The following MT1M variants were observed in gnomAD, a reference collection of about 807,000 sequenced individuals.
The protein encoded by MT1M is metallothionein 1M, also known as metallothionein-1M.
A neutral mutation model predicts 8.5 loss-of-function variants in MT1M; 11 were observed. The observed-to-expected ratio is 1.29, with a 90% confidence interval of 0.81 to 2.14. The LOEUF is 2.14. MT1M is among the 30% of genes most tolerant of loss of function. The probability of loss-of-function intolerance (pLI) is 0.00; values close to 1 mark genes in which losing one functional copy is unlikely to be tolerated. For missense variants in MT1M, 84 were observed against 76.6 expected (o/e 1.10, Z -0.36); for synonymous variants, 28 against 30.0 (o/e 0.93, Z 0.22).
chr16:56,632,879 A>G (rs1960307323), intron 1 of MT1M, 120 bp downstream of exon 1: 1 of 1,312,936 alleles, frequency 7.6e-7, no homozygotes, highest in East Asian at 2.3e-5. Context: ...TTACTTCCTT[A>G]GGTGCTTTCT....
rs1960325036 is a variant in MT1M, at chr16:56,633,839, C to T, written c.183C>T (p.Ala61=). The part of the protein sequence containing the change: ...KGTLENCSCC[A] ...CGTTGGAGAACTGCAGCTGCTGTGC[C>T]TGATGTGGGAACAGCTCTTCTCCCA... Residue 61 remains alanine, a synonymous_variant, in exon 3 of 3, where the codon GCC becomes GCT. Coordinates refer to ENST00000379818, the MANE Select transcript of MT1M (RefSeq NM_176870.3). 2 of 1,614,208 alleles carry T rather than the reference C, an allele frequency of 1.2e-6. No individual in the cohort carries two copies. Among genetic ancestry groups the T allele is most frequent in the Non-Finnish European group, 1.7e-6 (2 of 1,180,036 alleles).
At chr16:56,633,204 A>G (rs1483533984) in intron 1 of MT1M, 136 bp from the exon 2 acceptor site, 4 of 1,412,880 alleles carry the variant, frequency 2.8e-6, no homozygotes, top group Non-Finnish European at 3.0e-6. Flanking sequence ...TGGAGAGGAC[A>G]GGGGCTTTCC....
At chr16:56,632,838 G>A in intron 1 of MT1M, 79 bp downstream of exon 1, 2 of 1,560,802 alleles carry the variant, frequency 1.3e-6, no homozygotes, top group South Asian at 1.1e-5. Context: ...TGAGGAGGTC[G>A]CATTTAAGTT....
At chr16:56,633,656 T>C (rs534152251) in intron 2 of MT1M, 95 bp from the exon 3 acceptor site, 2 of 1,601,262 alleles carry the variant, frequency 1.2e-6, no homozygotes, top group Non-Finnish European at 8.6e-7. Context: ...AAGCTTCCTC[T>C]GGGTCTGGGT....
Position 56,633,791 on chromosome 16 carries a change from C to T in MT1M, c.135C>T (p.Ala45=), listed in dbSNP as rs199797540. ...SCCPVGCAKC[A]HGCVCKGTLE... ...GCCCCGTGGGCTGTGCCAAGTGTGCCCACGGCTGTGTCTGCAAAGGGACGT... is the reference window on the plus strand; with the variant it reads ...GCCCCGTGGGCTGTGCCAAGTGTGCTCACGGCTGTGTCTGCAAAGGGACGT... The change falls in exon 3 of 3, where the codon GCC becomes GCT. Residue 45 remains alanine, a synonymous_variant. Coordinates refer to ENST00000379818, the MANE Select transcript of MT1M (RefSeq NM_176870.3). The T allele has an allele frequency of 6.2e-5, 100 of 1,614,190 alleles. No homozygotes were observed. In the African/African-American group the frequency reaches 1.1e-3, roughly 17 times the overall value.
In MT1M at chr16:56,633,417, G is replaced by A. The variant is rs763517762; in HGVS notation, c.94+12G>A. 3.7e-6 allele frequency: 6 copies of A among 1,614,118 alleles called. No individual in the cohort carries two copies. Among genetic ancestry groups the A allele is most frequent in the Admixed American group, 3.3e-5 (2 of 60,008 alleles). On this transcript the variant is annotated intron_variant, in intron 2 of 2. Transcript: ENST00000379818. Reference sequence around the variant, plus strand: ...CTCCTGCAAGAAGAGTGAGTGCGGGGCCATCTCCAGGAATCTGGGGCTGTG... The same window carrying A: ...CTCCTGCAAGAAGAGTGAGTGCGGGACCATCTCCAGGAATCTGGGGCTGTG...
At chr16:56,632,876 C>A in intron 1 of MT1M, 117 bp downstream of exon 1, 2 of 1,329,968 alleles carry the variant, frequency 1.5e-6, no homozygotes, top group Non-Finnish European at 2.2e-6. Flanking sequence ...CCTTTACTTC[C>A]TTAGGTGCTT....
At chr16:56,633,611 C>G in intron 2 of MT1M, 140 bp from the exon 3 acceptor site, 1 of 1,601,000 alleles carries the variant, frequency 6.2e-7, no homozygotes. Context: ...ACTGTAGCAT[C>G]TATGGTTTCA....
In MT1M at chr16:56,633,320, C is replaced by A. The variant is rs376886770; in HGVS notation, c.29-20C>A. 1.2e-6 allele frequency: 2 copies of A among 1,614,188 alleles called. No homozygotes were observed. The highest frequency in any genetic ancestry group is 1.7e-6 in the Non-Finnish European group (2 of 1,180,018). On this transcript the variant is annotated intron_variant, in intron 1 of 2. Coordinates refer to ENST00000379818, the MANE Select transcript of MT1M (RefSeq NM_176870.3). ...TCTTCATCTCACTCACTGCCCACTG[C>A]GTTTTTCTCTTCCTTGCAGGTGTCT...
chr16:56,633,854 C>G lies in MT1M; in HGVS notation c.*12C>G. The G allele has an allele frequency of 1.9e-6, 3 of 1,613,970 alleles. No individual in the cohort carries two copies. Among genetic ancestry groups the G allele is most frequent in the Non-Finnish European group, 2.5e-6 (3 of 1,179,862 alleles). ...GCTGCTGTGCCTGATGTGGGAACAG[C>G]TCTTCTCCCAGATGTTAATAGAACA... On this transcript the variant is annotated 3_prime_UTR_variant, in exon 3 of 3. Transcript: ENST00000379818.
intron 2 of MT1M, 21 bp from the exon 3 acceptor site, chr16:56,633,730 C>G (rs763734498): frequency 1.2e-6 from 2 of 1,613,802 alleles, no homozygotes; most frequent in African/African-American, 1.3e-5. Flanking sequence ...ACTGCTACCT[C>G]TCTCTCCCCT....
rs775249671 is a variant in MT1M at position 56,633,771 on chromosome 16, G to A, written c.115G>A (p.Val39Met). 8.2e-5 allele frequency: 132 copies of A among 1,614,042 alleles called. No homozygotes were observed. The highest frequency in any genetic ancestry group is 6.0e-4 in the East Asian group (27 of 44,874). ...CCCAGGCTGCTGCTCCTGCTGCCCC[G>A]TGGGCTGTGCCAAGTGTGCCCACGG... ...CKKSCCSCCP[V>M]GCAKCAHGCV... Residue 39 changes from valine (V) to methionine (M), a missense_variant, in exon 3 of 3, where the codon GTG (valine) becomes ATG (methionine). Val to Met is a conservative substitution (Grantham distance 21). Coordinates refer to ENST00000379818, the MANE Select transcript of MT1M (RefSeq NM_176870.3).
At chr16:56,633,722 T>G (rs1392662675) in intron 2 of MT1M, 29 bp from the exon 3 acceptor site, 9 of 1,613,486 alleles carry the variant, frequency 5.6e-6, no homozygotes, top group Non-Finnish European at 7.6e-6. Context: ...TCAAGTCTAC[T>G]GCTACCTCTC....
Position 56,633,755 on chromosome 16 carries a change from C to T in MT1M, c.99C>T (p.Cys33=). ...ECKCTSCKKS[C]CSCCPVGCAK... Reference sequence around the variant, plus strand: ...CTCTCTCCCCTTCTTCCCCAGGCTGCTGCTCCTGCTGCCCCGTGGGCTGTG... The same window carrying T: ...CTCTCTCCCCTTCTTCCCCAGGCTGTTGCTCCTGCTGCCCCGTGGGCTGTG... Residue 33 remains cysteine (C), a synonymous_variant, in exon 3 of 3, where the codon TGC becomes TGT. Coordinates refer to ENST00000379818, the MANE Select transcript of MT1M (RefSeq NM_176870.3). 1 of 1,614,192 alleles carries T rather than the reference C, an allele frequency of 6.2e-7. No homozygotes were observed. The highest frequency in any genetic ancestry group is 8.5e-7 in the Non-Finnish European group (1 of 1,180,030).
At chr16:56,633,191 T>C in intron 1 of MT1M, 149 bp from the exon 2 acceptor site, 1 of 1,305,076 alleles carries the variant, frequency 7.7e-7, no homozygotes, top group Non-Finnish European at 1.1e-6. Flanking sequence ...TTCCCAGCGT[T>C]AGTGGAGAGG....
At chr16:56,633,638 G>T in intron 2 of MT1M, 113 bp from the exon 3 acceptor site, 1 of 1,600,840 alleles carries the variant, frequency 6.2e-7, no homozygotes. Context: ...AGCTGTGCCA[G>T]ACGTAAAAAG....
chr16:56,632,862 A>G (rs2144314335), intron 1 of MT1M, 103 bp downstream of exon 1: 1 of 1,448,220 alleles, frequency 6.9e-7, no homozygotes, highest in South Asian at 1.1e-5. Context: ...AGCGGAAGGG[A>G]ATTCCTTTAC....
chr16:56,632,827 T>C, intron 1 of MT1M, 68 bp downstream of exon 1: 1 of 1,591,598 alleles, frequency 6.3e-7, no homozygotes, highest in South Asian at 1.1e-5. Flanking sequence ...GTCTCTGGGT[T>C]TGAGGAGGTC....
intron 1 of MT1M, 23 bp downstream of exon 1, chr16:56,632,782 C>T (rs1338908099): frequency 2.5e-6 from 4 of 1,613,874 alleles, no homozygotes; most frequent in South Asian, 1.1e-5. Context: ...GACCCTGCGC[C>T]CTAGGAATCC....
Sources: allele counts gnomAD v4.1 joint callset, GRCh38; gene constraint gnomAD v4.1.1; transcripts MANE v1.5; gene names NCBI Gene and HGNC (gene_info 2026-07-23, HGNC 2026-07-21).